The following HELZ variants were observed in gnomAD, a reference collection of about 807,000 sequenced individuals.
HELZ encodes helicase with zinc finger, also known as ATP-dependent RNA helicase with zinc finger domain.
HELZ carries 23 observed loss-of-function variants against 218.2 expected under a neutral mutation model. That is an observed-to-expected ratio of 0.11 (90% confidence interval 0.08 to 0.15). The LOEUF (loss-of-function observed/expected upper bound fraction) is 0.15. HELZ is among the 10% of genes least tolerant of loss of function. HELZ has a pLI of 1.00. For synonymous variants in HELZ, 814 were observed against 829.4 expected, an observed-to-expected ratio of 0.98 and a Z score of 0.32; for missense variants, 1,813 against 2,353.7, an observed-to-expected ratio of 0.77 and a Z score of 4.75.
intron 23 of HELZ, among the ~76,000 whole-genome samples, chr17:67,134,783 A>G (rs995327208): frequency 2.6e-5 from 4 of 152,126 alleles, no homozygotes; most frequent in African/African-American, 9.7e-5. Context: ...GCCATGTCCT[A>G]ATAGTTTTGT....
intron 3 of HELZ, among the ~76,000 whole-genome samples, chr17:67,234,080 T>G (rs1159294276): frequency 6.7e-6 from 1 of 149,764 alleles, no homozygotes; most frequent in African/African-American, 2.5e-5. Context: ...AGAGAGAACT[T>G]TGGGAGGCCA....
chr17:67,125,021 T>C (rs2037737502), intron 24 of HELZ, among the ~76,000 whole-genome samples: 2 of 117,258 alleles, frequency 1.7e-5, no homozygotes, highest in South Asian at 8.0e-4. Flanking sequence ...GGATTATGTC[T>C]ACAGCAGGAA....
At chr17:67,191,553 G>C (rs1017555742) in intron 9 of HELZ, among the ~76,000 whole-genome samples, 3 of 152,030 alleles carry the variant, frequency 2.0e-5, no homozygotes, top group Non-Finnish European at 2.9e-5. Flanking sequence ...CCGGGTTCAA[G>C]GGATGCTCCT....
At chr17:67,201,232 C>A (rs2040161199) in intron 6 of HELZ, 47 bp from the exon 7 acceptor site, 2 of 1,267,462 alleles carry the variant, frequency 1.6e-6, no homozygotes, top group Admixed American at 1.9e-5. Context: ...TATATTAATT[C>A]TTTACTATGG....
chr17:67,208,623 A>T (rs1269030874), intron 5 of HELZ, among the ~76,000 whole-genome samples: 2 of 152,164 alleles, frequency 1.3e-5, no homozygotes, highest in Non-Finnish European at 2.9e-5. Flanking sequence ...ATGAATTAAG[A>T]AATGTTGTTA....
In HELZ at chr17:67,151,069, A is replaced by G; in HGVS notation, c.2333T>C (p.Leu778Pro). 1 of 1,613,872 alleles carries G rather than the reference A, an allele frequency of 6.2e-7. No homozygotes were observed. Among genetic ancestry groups the G allele is most frequent in the Non-Finnish European group, 8.5e-7 (1 of 1,179,794 alleles). ...VVVTLNTSQYLCQLDLEPGFF... is the reference protein window; with the variant it reads ...VVVTLNTSQYPCQLDLEPGFF... ...ACCAGGTTCAAGGTCCAACTGACAG[A>G]GGTACTGGGAAGTATTCAAGGTAAC... Residue 778 changes from leucine to proline, a missense_variant, in exon 18 of 33, where the codon CTC becomes CCC. This residue lies in a region of HELZ where 714 missense variants were observed against 1,029.2 expected (regional missense o/e 0.69). Transcript: ENST00000358691.
chr17:67,107,154 TAAG>T lies in HELZ; in HGVS notation c.5241+12_5241+14del, dbSNP rs1419584306. 4 of 1,578,242 alleles carry T rather than the reference TAAG, an allele frequency of 2.5e-6. No homozygotes were observed. The highest frequency in any genetic ancestry group is 1.2e-5 in the South Asian group (1 of 85,604). ...CAATCAGCTAATAACAAAAGGAAAA[TAAG>T]AAGACATTTACCTCTTCTAAGCTAG... On this transcript the variant is annotated intron_variant, in intron 31 of 32. Coordinates refer to ENST00000358691, the MANE Select transcript of HELZ (RefSeq NM_014877.4).
chr17:67,171,041 T>G (rs1413491985), intron 13 of HELZ, among the ~76,000 whole-genome samples: 1 of 150,490 alleles, frequency 6.6e-6, no homozygotes, highest in Non-Finnish European at 1.5e-5. Flanking sequence ...TGTACAGTTT[T>G]TTTTTTTTTT....
intron 31 of HELZ, among the ~76,000 whole-genome samples, chr17:67,095,354 G>A (rs2036710799): frequency 6.6e-6 from 1 of 151,882 alleles, no homozygotes; most frequent in Admixed American, 6.6e-5. Flanking sequence ...GTAACATAGT[G>A]AGATACAAAC....
At position 67,072,821 on chromosome 17, in the gene HELZ, T is replaced by C. The variant is rs1278747832; in HGVS notation, c.*5431A>G. Reference sequence around the variant, plus strand: ...TACATGGTTGAAAAGACGTTCAGACTCTGAAGGTCTCTGAGACTTTCAAAC... The same window carrying C: ...TACATGGTTGAAAAGACGTTCAGACCCTGAAGGTCTCTGAGACTTTCAAAC... On this transcript the variant is annotated 3_prime_UTR_variant, in exon 33 of 33. Coordinates refer to ENST00000358691, the MANE Select transcript of HELZ (RefSeq NM_014877.4). 6.6e-6 allele frequency: 1 copy of C among 152,218 alleles called. No individual in the cohort carries two copies. 9.4% of individuals were successfully genotyped at this position (152,218 alleles called of 1,614,324 possible).
chr17:67,145,591 T>C lies in HELZ; in HGVS notation c.2769+152A>G, dbSNP rs554035279. 6.0e-5 allele frequency: 35 copies of C among 585,054 alleles called. No homozygotes were observed. The East Asian group carries it at 1.0e-3, about 17-fold the overall frequency. 36.2% of individuals were successfully genotyped at this position (585,054 alleles called of 1,614,324 possible). A position where few individuals can be genotyped will look rare whatever the true frequency, so the allele number is the denominator to read the frequency against. On this transcript the variant is annotated intron_variant, in intron 21 of 32. Coordinates refer to ENST00000358691, the MANE Select transcript of HELZ (RefSeq NM_014877.4). ...GAGATTCATCTGAACAAATCAATGT[T>C]ATACAAGAAAGAATAAACTTTACAT...
intron 12 of HELZ, among the ~76,000 whole-genome samples, chr17:67,182,769 C>T (rs971698016): frequency 1.3e-5 from 2 of 152,170 alleles, no homozygotes; most frequent in Admixed American, 1.3e-4. Flanking sequence ...ATACATTTCC[C>T]AACTTCCCTT....
At chr17:67,145,569 A>G (rs1458099357) in intron 21 of HELZ, among the ~76,000 whole-genome samples, 174 bp downstream of exon 21, 1 of 152,152 alleles carries the variant, frequency 6.6e-6, no homozygotes, top group African/African-American at 2.4e-5. Flanking sequence ...CCCATAGGAG[A>G]TTCATCTGAA....
chr17:67,089,662 T>TAG (rs1296400940), intron 31 of HELZ, among the ~76,000 whole-genome samples: 3 of 44,066 alleles, frequency 6.8e-5, no homozygotes, highest in East Asian at 1.7e-3. Flanking sequence ...TATATATATA[T>TAG]ATATATAGAG....
At chr17:67,122,885 G>T in intron 26 of HELZ, 85 bp downstream of exon 26, 3 of 957,808 alleles carry the variant, frequency 3.1e-6, no homozygotes, top group Non-Finnish European at 4.6e-6. Flanking sequence ...AAAAGAAGTT[G>T]GTAGAATGCT....
intron 12 of HELZ, among the ~76,000 whole-genome samples, chr17:67,181,017 C>T (rs1598381934): frequency 6.6e-6 from 1 of 151,910 alleles, no homozygotes; most frequent in Non-Finnish European, 1.5e-5. Context: ...CGCGCCACTG[C>T]ACTCCAGCCT....
At chr17:67,194,559 T>G (rs1009414872) in intron 8 of HELZ, among the ~76,000 whole-genome samples, 3 of 152,188 alleles carry the variant, frequency 2.0e-5, no homozygotes, top group African/African-American at 7.2e-5. Flanking sequence ...AAAATTGAAA[T>G]AAAGTTCAAA....
At chr17:67,173,032 G>A in intron 13 of HELZ, 2 of 980,528 alleles carry the variant, frequency 2.0e-6, no homozygotes, top group Non-Finnish European at 2.4e-6. Flanking sequence ...ATCCTCTTGT[G>A]ACATTGGTTG....
At position 67,229,624 on chromosome 17, in the gene HELZ, C is replaced by A. The variant is rs76654745; in HGVS notation, c.-19+9809G>T. On this transcript the variant is annotated intron_variant, in intron 3 of 32. Transcript: ENST00000358691. ...AAATAATTAAATTTCCCAAAGATGA[C>A]CTAAATGCCAAGCATACCAAGAACT... Among the ~76,000 whole-genome samples, 255 of 152,290 alleles carry A rather than the reference C, an allele frequency of 1.7e-3. 1 individual carries two copies. Among genetic ancestry groups the A allele is most frequent in the African/African-American group, 5.9e-3 (246 of 41,576 alleles).
Sources: gnomAD v4.1 joint callset for allele counts (sites outside exome capture counted in the v4.1 genomes callset) on GRCh38, gnomAD v4.1.1 for gene constraint, gnomAD v4.1.1 regional missense constraint, MANE v1.5 for transcripts, NCBI Gene and HGNC (gene_info 2026-07-23, HGNC 2026-07-21) for gene names.